Variants in WWC1 observed in about 807,000 individuals in gnomAD.
WWC1 encodes WW and C2 domain containing 1.
A neutral mutation model predicts 138.4 loss-of-function variants in WWC1; 55 were observed. The observed-to-expected ratio is 0.40, with a 90% CI of 0.32 to 0.50. The LOEUF (loss-of-function observed/expected upper bound fraction) is 0.50, where lower values mean the gene tolerates loss of function less well. Ranked by LOEUF, WWC1 falls within the 20% of genes least tolerant of loss-of-function variation. The pLI, the probability that WWC1 is intolerant of heterozygous loss-of-function variation, is 0.72. For missense variants in WWC1, 1,226 were observed against 1,420.4 expected (o/e 0.86, Z 2.20); for synonymous variants, 524 against 564.9 (o/e 0.93, Z 1.03).
intron 1 of WWC1, among the ~76,000 whole-genome samples, chr5:168,362,573 A>G (rs1043025991): frequency 6.6e-6 from 1 of 152,248 alleles, no homozygotes; most frequent in Non-Finnish European, 1.5e-5. Context: ...GTAGATCAAC[A>G]AACATATCTT....
rs879587347 is a variant in WWC1, at chr5:168,412,523, G to A, written c.942-1825G>A. On this transcript the variant is annotated intron_variant, in intron 8 of 22. Coordinates refer to ENST00000265293, the MANE Select transcript of WWC1 (RefSeq NM_015238.3). Reference sequence around the variant, plus strand: ...GTCACTTCCCAATGTCCTGCATATGGTGGAGCCCCTGCCCGGCCTTACCAT... The same window carrying A: ...GTCACTTCCCAATGTCCTGCATATGATGGAGCCCCTGCCCGGCCTTACCAT... Among the ~76,000 whole-genome samples the A allele has an allele frequency of 2.0e-5, 3 of 152,122 alleles. No homozygotes were observed. The South Asian group carries it at 6.2e-4, about 31-fold the overall frequency.
intron 9 of WWC1, among the ~76,000 whole-genome samples, chr5:168,420,312 C>T (rs967944294): frequency 6.6e-6 from 1 of 152,138 alleles, no homozygotes; most frequent in Non-Finnish European, 1.5e-5. Flanking sequence ...TAGGTGGCCT[C>T]CTCCTCCCTC....
chr5:168,306,462 A>G (rs1032114220), intron 1 of WWC1, among the ~76,000 whole-genome samples: 9 of 152,156 alleles, frequency 5.9e-5, no homozygotes, highest in Admixed American at 5.2e-4. Flanking sequence ...CCCCTCTTCT[A>G]TGCCTATCTT....
At chr5:168,456,698 A>ATTTTTT (rs10680508) in intron 19 of WWC1, among the ~76,000 whole-genome samples, 1 of 146,774 alleles carries the variant, frequency 6.8e-6, no homozygotes. Flanking sequence ...TGCTCCGCCA[A>ATTTTTT]TTTTTTTTTT....
At chr5:168,396,389 T>G (rs975949560) in intron 3 of WWC1, among the ~76,000 whole-genome samples, 6 of 149,414 alleles carry the variant, frequency 4.0e-5, no homozygotes, top group African/African-American at 7.4e-5. Context: ...TCTCAAAAAA[T>G]AAAAAAGAAA....
intron 13 of WWC1, among the ~76,000 whole-genome samples, chr5:168,429,592 A>G (rs1781785226): frequency 6.6e-6 from 1 of 152,072 alleles, no homozygotes; most frequent in Non-Finnish European, 1.5e-5. Context: ...AGTTGACAAC[A>G]TTTCCATATC....
intron 4 of WWC1, 104 bp downstream of exon 4, chr5:168,397,904 G>A: frequency 8.1e-7 from 1 of 1,235,376 alleles, no homozygotes; most frequent in Non-Finnish European, 1.2e-6. Flanking sequence ...GCCAGGCTAT[G>A]ACAGCCAGTG....
chr5:168,332,523 G>A (rs1296298478), intron 1 of WWC1, among the ~76,000 whole-genome samples: 4 of 152,266 alleles, frequency 2.6e-5, no homozygotes, highest in African/African-American at 7.2e-5. Context: ...ATGTGTTTTT[G>A]TGTGCACATG....
In WWC1 at chr5:168,353,945, T is replaced by C. The variant is rs547450391; in HGVS notation, c.120-17479T>C. Among the ~76,000 whole-genome samples the C allele has an allele frequency of 7.9e-5, 12 of 152,266 alleles. 1 individual carries two copies. Among genetic ancestry groups the C allele is most frequent in the Non-Finnish European group, 1.8e-4 (12 of 68,044 alleles). The stretch of plus-strand genomic sequence containing the variant: ...ATGAATGAATAGTTTGTGTGTTTAC[T>C]TCCAGCTGGGTTTAAGTTCATACTT... On this transcript the variant is annotated intron_variant, in intron 1 of 22. Transcript: ENST00000265293.
chr5:168,363,842 G>T (rs1776078998), intron 1 of WWC1, among the ~76,000 whole-genome samples: 1 of 152,134 alleles, frequency 6.6e-6, no homozygotes, highest in African/African-American at 2.4e-5. Flanking sequence ...ATGAGTGACA[G>T]TGCCTGCATT....
At chr5:168,307,905 C>A (rs1345514232) in intron 1 of WWC1, among the ~76,000 whole-genome samples, 1 of 152,090 alleles carries the variant, frequency 6.6e-6, no homozygotes, top group Non-Finnish European at 1.5e-5. Flanking sequence ...CCACCATGCC[C>A]GGCCAATTTC....
chr5:168,434,221 G>A (rs1267828424), intron 15 of WWC1, among the ~76,000 whole-genome samples: 1 of 152,228 alleles, frequency 6.6e-6, no homozygotes, highest in African/African-American at 2.4e-5. Flanking sequence ...TGGTTGCCAT[G>A]GCAGCAGCCA....
At chr5:168,328,418 T>G (rs1772751276) in intron 1 of WWC1, among the ~76,000 whole-genome samples, 1 of 152,146 alleles carries the variant, frequency 6.6e-6, no homozygotes, top group African/African-American at 2.4e-5. Flanking sequence ...GGGTATATAG[T>G]GGTGGAGGCA....
chr5:168,414,356 A>G lies in WWC1; in HGVS notation c.950A>G (p.Asn317Ser), dbSNP rs750305410. The change falls in exon 9 of 23, where the codon AAC becomes AGC. Residue 317 changes from asparagine to serine, a missense_variant. Physicochemically the swap from Asn to Ser is conservative, Grantham distance 46. Coordinates refer to ENST00000265293, the MANE Select transcript of WWC1 (RefSeq NM_015238.3). ...GCTTTCTTGGCCCCCAGGATCGCCAACCTGAAGATCCAGCTGGCCAAGCTT... is the reference window on the plus strand; with the variant it reads ...GCTTTCTTGGCCCCCAGGATCGCCAGCCTGAAGATCCAGCTGGCCAAGCTT... ...RYEEAKRRIA[N>S]LKIQLAKLDS... The G allele has an allele frequency of 2.5e-6, 4 of 1,612,140 alleles. No homozygotes were observed. Among genetic ancestry groups the G allele is most frequent in the Admixed American group, 3.3e-5 (2 of 59,800 alleles).
intron 22 of WWC1, among the ~76,000 whole-genome samples, chr5:168,468,382 G>A (rs1757473476): frequency 6.6e-6 from 1 of 152,014 alleles, no homozygotes; most frequent in Non-Finnish European, 1.5e-5. Context: ...GGACCCGGGT[G>A]TATTCTCGGA....
intron 1 of WWC1, among the ~76,000 whole-genome samples, chr5:168,355,587 C>A (rs898933835): frequency 3.3e-5 from 5 of 151,432 alleles, no homozygotes; most frequent in African/African-American, 1.2e-4. Flanking sequence ...AGGTAACTGT[C>A]CCAGGCAGCG....
At chr5:168,323,820 G>C (rs569185679) in intron 1 of WWC1, among the ~76,000 whole-genome samples, 1 of 152,104 alleles carries the variant, frequency 6.6e-6, no homozygotes, top group Non-Finnish European at 1.5e-5. Flanking sequence ...ACTACACCTA[G>C]ACACATCATA....
intron 1 of WWC1, among the ~76,000 whole-genome samples, chr5:168,357,904 TCA>T (rs1413993597): frequency 6.6e-6 from 1 of 152,226 alleles, no homozygotes; most frequent in Non-Finnish European, 1.5e-5. Context: ...TCCTTTGTAA[TCA>T]GTTACTGTAG....
At position 168,303,565 on chromosome 5, in the gene WWC1, C is replaced by T. The variant is rs767577056; in HGVS notation, c.119+11294C>T. ...TCAAGGCTGCAGTGAGCCATGTTTA[C>T]ATCATTGCAGTCCAGCCTGGGTGAC... On this transcript the variant is annotated intron_variant, in intron 1 of 22. Coordinates refer to ENST00000265293, the MANE Select transcript of WWC1 (RefSeq NM_015238.3). Among the ~76,000 whole-genome samples the T allele has an allele frequency of 2.6e-5, 4 of 152,266 alleles. No individual in the cohort carries two copies. The East Asian group carries it at 5.8e-4, about 22-fold the overall frequency.
Sources: gnomAD v4.1 joint callset for allele counts (sites outside exome capture counted in the v4.1 genomes callset) on GRCh38, gnomAD v4.1.1 for gene constraint, MANE v1.5 for transcripts, NCBI Gene and HGNC (gene_info 2026-07-23, HGNC 2026-07-21) for gene names.